The following NRXN1 variants were observed in gnomAD, a reference collection of about 807,000 sequenced individuals.
The protein encoded by NRXN1 is neurexin 1.
A neutral mutation model predicts 150.9 loss-of-function variants in NRXN1; 39 were observed. The observed-to-expected ratio is 0.26, with a 90% confidence interval of 0.20 to 0.34. NRXN1 has a LOEUF of 0.34. NRXN1 is among the 10% of genes least tolerant of loss of function. NRXN1 has a pLI of 1.00. For synonymous variants in NRXN1, 924 were observed against 757.0 expected, an observed-to-expected ratio of 1.22 and a Z score of -3.62; for missense variants, 1,815 against 1,949.9, an observed-to-expected ratio of 0.93 and a Z score of 1.30.
chr2:50,558,222 C>T lies in NRXN1; in HGVS notation c.1321-5197G>A, dbSNP rs147505890. ...CATAAGTTACCTAGAAAATAGGTAACATTATTCTACTTTATCAATAAATAT... is the reference window on the plus strand; with the variant it reads ...CATAAGTTACCTAGAAAATAGGTAATATTATTCTACTTTATCAATAAATAT... On this transcript the variant is annotated intron_variant, in intron 8 of 22. Transcript: ENST00000401669. Among the ~76,000 whole-genome samples, 669 of 152,218 alleles carry T rather than the reference C, an allele frequency of 4.4e-3. 3 individuals are homozygous for T. The highest frequency in any genetic ancestry group is 0.015 in the African/African-American group (628 of 41,550).
intron 13 of NRXN1, among the ~76,000 whole-genome samples, chr2:50,505,309 G>A (rs567067576): frequency 3.3e-5 from 5 of 152,108 alleles, no homozygotes; most frequent in East Asian, 3.9e-4. Context: ...TATCCTCTTC[G>A]AGTGCCACTT....
chr2:50,723,448 T>C (rs1435450171), intron 5 of NRXN1, among the ~76,000 whole-genome samples: 2 of 152,188 alleles, frequency 1.3e-5, no homozygotes, highest in Non-Finnish European at 2.9e-5. Flanking sequence ...TCTTGAGATA[T>C]GCTACTGGGA....
At chr2:50,869,649 G>C (rs1210672985) in intron 5 of NRXN1, among the ~76,000 whole-genome samples, 2 of 151,584 alleles carry the variant, frequency 1.3e-5, no homozygotes, top group Admixed American at 1.3e-4. Context: ...ACACAGCCTA[G>C]AGGTTCTATA....
intron 5 of NRXN1, among the ~76,000 whole-genome samples, chr2:50,893,057 G>A (rs1032368054): frequency 6.6e-6 from 1 of 152,128 alleles, no homozygotes; most frequent in Non-Finnish European, 1.5e-5. Flanking sequence ...TTCCAGAGAG[G>A]TGGCTGAGAG....
At chr2:50,721,608 T>C (rs1324463612) in intron 5 of NRXN1, among the ~76,000 whole-genome samples, 1 of 152,194 alleles carries the variant, frequency 6.6e-6, no homozygotes, top group East Asian at 1.9e-4. Context: ...ACTAATTTTT[T>C]AAAGTGGAAT....
intron 2 of NRXN1, among the ~76,000 whole-genome samples, chr2:51,023,536 C>G (rs1234366570): frequency 6.6e-6 from 1 of 152,182 alleles, no homozygotes; most frequent in South Asian, 2.1e-4. Flanking sequence ...GTTTAATAAT[C>G]ACTTTTTATT....
intron 18 of NRXN1, among the ~76,000 whole-genome samples, chr2:50,196,868 G>A (rs2061804243): frequency 6.6e-6 from 1 of 151,988 alleles, no homozygotes; most frequent in Admixed American, 6.6e-5. Flanking sequence ...GAGAACTTAC[G>A]AACACAAAGA....
chr2:50,756,513 C>G (rs1383648054), intron 5 of NRXN1, among the ~76,000 whole-genome samples: 1 of 151,592 alleles, frequency 6.6e-6, no homozygotes, highest in Non-Finnish European at 1.5e-5. Context: ...ATTTCCTTAC[C>G]CTTTGTTCTA....
intron 18 of NRXN1, among the ~76,000 whole-genome samples, chr2:50,206,753 ACAAAG>A (rs2062611513): frequency 6.6e-6 from 1 of 151,732 alleles, no homozygotes; most frequent in Admixed American, 6.6e-5. Context: ...TAAAATGTTA[ACAAAG>A]CAAAGTTATA....
chr2:50,771,924 A>G (rs892623757), intron 5 of NRXN1, among the ~76,000 whole-genome samples: 1 of 152,128 alleles, frequency 6.6e-6, no homozygotes, highest in African/African-American at 2.4e-5. Context: ...AACAAAACAG[A>G]TAAGTTAGTA....
chr2:50,578,183 G>A (rs1671723848), intron 8 of NRXN1, among the ~76,000 whole-genome samples: 1 of 152,022 alleles, frequency 6.6e-6, no homozygotes, highest in African/African-American at 2.4e-5. Context: ...ACTTTCTTGT[G>A]CTTTTTGTTT....
At chr2:50,027,520 G>A (rs1425618736) in intron 21 of NRXN1, among the ~76,000 whole-genome samples, 1 of 151,956 alleles carries the variant, frequency 6.6e-6, no homozygotes, top group East Asian at 1.9e-4. Context: ...ATGACTCACT[G>A]GAGACTTGAC....
At chr2:50,993,802 C>T (rs1262362787) in intron 2 of NRXN1, among the ~76,000 whole-genome samples, 3 of 151,896 alleles carry the variant, frequency 2.0e-5, no homozygotes, top group East Asian at 3.9e-4. Flanking sequence ...TGGAGAACAT[C>T]CTTTCCCTAT....
At chr2:50,842,493 G>A (rs1673018960) in intron 5 of NRXN1, among the ~76,000 whole-genome samples, 1 of 152,098 alleles carries the variant, frequency 6.6e-6, no homozygotes, top group Admixed American at 6.5e-5. Flanking sequence ...AAACAGTTAT[G>A]GGATCCAAGT....
intron 5 of NRXN1, among the ~76,000 whole-genome samples, chr2:50,666,905 G>GTC (rs1213412516): frequency 2.6e-4 from 39 of 151,630 alleles, no homozygotes; most frequent in African/African-American, 9.2e-4. Flanking sequence ...GTGTGTGTGT[G>GTC]TGGTGAAGCT....
At chr2:50,762,102 CAT>C (rs957256549) in intron 5 of NRXN1, among the ~76,000 whole-genome samples, 13 of 127,080 alleles carry the variant, frequency 1.0e-4, no homozygotes, top group East Asian at 5.0e-4. Context: ...TTAATAAACT[CAT>C]ATATATATAT....
rs80094872 is a variant in NRXN1 at position 50,236,927 on chromosome 2, C to T, written c.3408G>A (p.Thr1136=). The T allele has an allele frequency of 1.3e-3, 2,174 of 1,613,328 alleles. 21 individuals carry two copies. The African/African-American group carries it at 0.024, about 18-fold the overall frequency. ...GTCGGTCATTAGGAGGCCACTTATACGTGATTTGTCCACCACCTTTGCTAA... is the reference window on the plus strand; with the variant it reads ...GTCGGTCATTAGGAGGCCACTTATATGTGATTTGTCCACCACCTTTGCTAA... The part of the protein sequence containing the change: ...YIFSKGGGQI[T]YKWPPNDRPS... Residue 1136 remains threonine (T), a synonymous_variant, in exon 18 of 23, where the codon ACG becomes ACA. Coordinates refer to ENST00000401669, the MANE Select transcript of NRXN1 (RefSeq NM_001330078.2).
At chr2:50,420,433 G>A (rs1009132784) in intron 17 of NRXN1, among the ~76,000 whole-genome samples, 18 of 149,752 alleles carry the variant, frequency 1.2e-4, no homozygotes, top group Admixed American at 1.0e-3. Context: ...ACACACACAC[G>A]GCAAAAACCA....
At chr2:50,973,728 T>C (rs1401276562) in intron 2 of NRXN1, among the ~76,000 whole-genome samples, 1 of 152,280 alleles carries the variant, frequency 6.6e-6, no homozygotes, top group East Asian at 1.9e-4. Flanking sequence ...TATGTATTCA[T>C]TCCTAGTAGG....
Sources: gnomAD v4.1 joint callset for allele counts (sites outside exome capture counted in the v4.1 genomes callset) on GRCh38, gnomAD v4.1.1 for gene constraint, MANE v1.5 for transcripts, NCBI Gene and HGNC (gene_info 2026-07-23, HGNC 2026-07-21) for gene names.